Variants in CDH18 observed in about 807,000 individuals in gnomAD.
CDH18 encodes cadherin-18.
In CDH18, 31 loss-of-function variants were observed where a neutral mutation model predicts 67.9. The observed-to-expected ratio is 0.46, with a 90% CI of 0.34 to 0.62. CDH18 has a LOEUF of 0.62. CDH18 is among the 20% of genes least tolerant of loss of function. The pLI, the probability that CDH18 is intolerant of heterozygous loss-of-function variation, is 0.01. For missense variants in CDH18, 890 were observed against 975.5 expected (o/e 0.91, Z 1.17); for synonymous variants, 362 against 347.2 (o/e 1.04, Z -0.48).
intron 1 of CDH18, chr5:20,305,324 T>G: frequency 6.4e-7 from 1 of 1,572,712 alleles, no homozygotes; most frequent in Non-Finnish European, 8.8e-7. Flanking sequence ...TTTCTGCGCT[T>G]TGCTTTCTTT....
At chr5:19,744,190 A>G (rs1335370322) in intron 4 of CDH18, among the ~76,000 whole-genome samples, 2 of 152,096 alleles carry the variant, frequency 1.3e-5, no homozygotes, top group East Asian at 1.9e-4. Flanking sequence ...AACTCTTTCA[A>G]TAGAATCTTG....
intron 2 of CDH18, among the ~76,000 whole-genome samples, chr5:19,895,662 A>G (rs919682478): frequency 6.6e-6 from 1 of 152,178 alleles, no homozygotes; most frequent in Non-Finnish European, 1.5e-5. Context: ...CCATACCACA[A>G]CGAAATGGCT....
intron 2 of CDH18, among the ~76,000 whole-genome samples, chr5:20,003,419 T>C (rs756017725): frequency 6.6e-6 from 1 of 151,948 alleles, no homozygotes; most frequent in Non-Finnish European, 1.5e-5. Flanking sequence ...TTGTTCTGTC[T>C]TCAGATTGTA....
chr5:19,940,276 C>A (rs1051120958), intron 2 of CDH18, among the ~76,000 whole-genome samples: 4 of 151,608 alleles, frequency 2.6e-5, no homozygotes, highest in African/African-American at 7.2e-5. Context: ...TCCACCAAGT[C>A]AATAGGTTCT....
At chr5:19,957,352 G>A (rs1184033826) in intron 2 of CDH18, among the ~76,000 whole-genome samples, 2 of 150,686 alleles carry the variant, frequency 1.3e-5, no homozygotes, top group African/African-American at 4.9e-5. Flanking sequence ...ATATTTATAT[G>A]TCATTATATA....
chr5:20,206,587 A>G (rs1739909836), intron 2 of CDH18, among the ~76,000 whole-genome samples: 1 of 151,972 alleles, frequency 6.6e-6, no homozygotes, highest in Admixed American at 6.6e-5. Context: ...TCTCAACAAA[A>G]TATGAAATAA....
intron 2 of CDH18, among the ~76,000 whole-genome samples, chr5:19,891,263 T>G (rs1160827543): frequency 6.6e-6 from 1 of 152,164 alleles, no homozygotes; most frequent in Non-Finnish European, 1.5e-5. Flanking sequence ...TTTCACTTTC[T>G]AACATCAGTA....
intron 1 of CDH18, among the ~76,000 whole-genome samples, chr5:20,550,045 T>C (rs1429519409): frequency 6.6e-6 from 1 of 152,142 alleles, no homozygotes; most frequent in Admixed American, 6.6e-5. Context: ...TAGAATCTAT[T>C]GACTAGCTCA....
At chr5:20,031,316 G>A (rs985686889) in intron 2 of CDH18, among the ~76,000 whole-genome samples, 9 of 152,092 alleles carry the variant, frequency 5.9e-5, no homozygotes, top group African/African-American at 2.2e-4. Flanking sequence ...TGAAAAAGTA[G>A]TGGTTTAAAA....
At chr5:19,856,171 A>G (rs1784262131) in intron 2 of CDH18, among the ~76,000 whole-genome samples, 1 of 152,254 alleles carries the variant, frequency 6.6e-6, no homozygotes, top group Admixed American at 6.5e-5. Context: ...GGCAAGCAGC[A>G]TCAGCTTCAG....
intron 2 of CDH18, among the ~76,000 whole-genome samples, chr5:20,056,478 G>GTTTTTTTTTTTTTT (rs58415003): frequency 6.1e-5 from 1 of 16,286 alleles, no homozygotes; most frequent in Non-Finnish European, 1.3e-4. Flanking sequence ...TCTTTCTTTT[G>GTTTTTTTTTTTTTT]TTTTTTTTTT....
At chr5:20,404,022 A>G (rs1157043691) in intron 1 of CDH18, among the ~76,000 whole-genome samples, 1 of 152,180 alleles carries the variant, frequency 6.6e-6, no homozygotes, top group Non-Finnish European at 1.5e-5. Flanking sequence ...TTGCTGCTTC[A>G]CTTTGCGTAT....
At chr5:19,979,870 T>G (rs960036801) in intron 2 of CDH18, among the ~76,000 whole-genome samples, 2 of 152,186 alleles carry the variant, frequency 1.3e-5, no homozygotes, top group African/African-American at 4.8e-5. Flanking sequence ...TGGGGAAAAG[T>G]TGAAAGCATT....
chr5:19,635,313 T>A (rs923078235), intron 5 of CDH18, among the ~76,000 whole-genome samples: 1 of 152,180 alleles, frequency 6.6e-6, no homozygotes, highest in Non-Finnish European at 1.5e-5. Flanking sequence ...TTGACATAGA[T>A]ACATCAGATA....
At chr5:19,584,793 CAAAAA>C (rs61297842) in intron 7 of CDH18, among the ~76,000 whole-genome samples, 1 of 75,092 alleles carries the variant, frequency 1.3e-5, no homozygotes, top group East Asian at 4.3e-4. Context: ...ACTAAAAATA[CAAAAA>C]AAAAAAAAAA....
At chr5:19,960,067 T>C (rs950106374) in intron 2 of CDH18, among the ~76,000 whole-genome samples, 1 of 152,100 alleles carries the variant, frequency 6.6e-6, no homozygotes, top group African/African-American at 2.4e-5. Context: ...TGTGAAGACC[T>C]ATGACATTAC....
intron 7 of CDH18, among the ~76,000 whole-genome samples, chr5:19,588,585 C>G (rs1744592528): frequency 6.6e-6 from 1 of 151,882 alleles, no homozygotes; most frequent in South Asian, 2.1e-4. Context: ...GCTAAACCCC[C>G]CAATAAAAAG....
chr5:19,578,372 G>A (rs1474357296), intron 7 of CDH18, among the ~76,000 whole-genome samples: 2 of 152,092 alleles, frequency 1.3e-5, no homozygotes, highest in Non-Finnish European at 2.9e-5. Context: ...TTCTTATTCA[G>A]AAATCAGTTT....
intron 1 of CDH18, among the ~76,000 whole-genome samples, chr5:20,359,371 G>A (rs1424177982): frequency 1.3e-5 from 2 of 152,140 alleles, no homozygotes; most frequent in South Asian, 2.1e-4. Flanking sequence ...ACAATCTAAA[G>A]ATTAGAATTT....
Sources: allele counts gnomAD v4.1 joint callset (sites outside exome capture counted in the v4.1 genomes callset), GRCh38; gene constraint gnomAD v4.1.1; transcripts MANE v1.5; gene names NCBI Gene and HGNC (gene_info 2026-07-23, HGNC 2026-07-21).